Variants in SAMD12 observed in about 807,000 individuals in gnomAD.
SAMD12 encodes sterile alpha motif domain containing 12.
A neutral mutation model predicts 15.0 loss-of-function variants in SAMD12; 9 were observed. The ratio of observed to expected loss-of-function variants is 0.60; its 90% CI spans 0.36 to 1.05. The LOEUF is 1.05. Among genes scored for constraint, SAMD12 ranks in the 50% least tolerant of loss-of-function variants. SAMD12 has a pLI of 0.01. For synonymous variants in SAMD12, 86 were observed against 90.1 expected (o/e 0.96, Z 0.25); for missense variants, 230 against 234.2 (o/e 0.98, Z 0.12).
intron 2 of SAMD12, among the ~76,000 whole-genome samples, chr8:118,559,036 T>C (rs1826631283): frequency 6.6e-6 from 1 of 152,180 alleles, no homozygotes. Context: ...AAATGAGAGA[T>C]ATTTAATGAT....
chr8:118,228,220 G>C (rs1213020356), intron 4 of SAMD12, among the ~76,000 whole-genome samples: 2 of 152,124 alleles, frequency 1.3e-5, no homozygotes, highest in Admixed American at 1.3e-4. Flanking sequence ...ATATTGGCTT[G>C]GGCAAGGATT....
chr8:118,420,869 C>T (rs540459862), intron 3 of SAMD12, among the ~76,000 whole-genome samples: 6 of 152,254 alleles, frequency 3.9e-5, no homozygotes, highest in East Asian at 3.9e-4. Flanking sequence ...TGGCAAACTA[C>T]GACCCTCTGA....
At chr8:118,294,956 T>C (rs534894197) in intron 4 of SAMD12, among the ~76,000 whole-genome samples, 2 of 152,178 alleles carry the variant, frequency 1.3e-5, no homozygotes, top group African/African-American at 2.4e-5. Flanking sequence ...AAGCAGGAAC[T>C]GTATTATATA....
At chr8:118,435,835 T>G (rs748298352) in intron 3 of SAMD12, among the ~76,000 whole-genome samples, 2 of 152,178 alleles carry the variant, frequency 1.3e-5, no homozygotes, top group African/African-American at 2.4e-5. Flanking sequence ...AACTTATTAA[T>G]GAGGAAACTG....
chr8:118,473,082 T>G (rs959296498), intron 2 of SAMD12, among the ~76,000 whole-genome samples: 1 of 152,100 alleles, frequency 6.6e-6, no homozygotes, highest in Admixed American at 6.5e-5. Flanking sequence ...GGTGAGGCAG[T>G]GGGGAGAAGG....
At chr8:118,446,860 A>G (rs1278218567) in intron 2 of SAMD12, among the ~76,000 whole-genome samples, 10 of 152,160 alleles carry the variant, frequency 6.6e-5, no homozygotes, top group Admixed American at 4.6e-4. Flanking sequence ...GAGGAATCCA[A>G]AACTATACCT....
intron 2 of SAMD12, among the ~76,000 whole-genome samples, chr8:118,552,182 C>T (rs1223628348): frequency 3.9e-5 from 6 of 152,084 alleles, no homozygotes; most frequent in Non-Finnish European, 7.4e-5. Context: ...TTTTATGAGG[C>T]CAGCATCATC....
At chr8:118,257,219 G>A (rs981786353) in intron 4 of SAMD12, among the ~76,000 whole-genome samples, 2 of 152,084 alleles carry the variant, frequency 1.3e-5, no homozygotes, top group African/African-American at 2.4e-5. Flanking sequence ...GGAACTAAAT[G>A]CTAGAGAAGT....
In SAMD12 at chr8:118,312,457, A is replaced by G. The variant is rs1815678582; in HGVS notation, c.433+67103T>C. Among the ~76,000 whole-genome samples the G allele has an allele frequency of 2.0e-5, 3 of 152,300 alleles. No individual in the cohort carries two copies. In the South Asian group the frequency reaches 6.2e-4, roughly 32 times the overall value. On this transcript the variant is annotated intron_variant, in intron 4 of 4. Coordinates refer to the SAMD12 transcript ENST00000409003. ...GACCCAGATCATGTCCCATCTCATGAATATTTACAGGGCCACTTCCTCTTC... is the reference window on the plus strand; with the variant it reads ...GACCCAGATCATGTCCCATCTCATGGATATTTACAGGGCCACTTCCTCTTC...
At chr8:118,427,302 A>G (rs1329053134) in intron 3 of SAMD12, among the ~76,000 whole-genome samples, 1 of 152,242 alleles carries the variant, frequency 6.6e-6, no homozygotes, top group African/African-American at 2.4e-5. Flanking sequence ...TATGTAGTTT[A>G]AAAAATGGAA....
chr8:118,373,873 C>A (rs1054940660), downstream of SAMD12, among the ~76,000 whole-genome samples: 1 of 152,084 alleles, frequency 6.6e-6, no homozygotes, highest in African/African-American at 2.4e-5. Context: ...AATAGTTCCA[C>A]ACTACAGCAT....
intron 2 of SAMD12, among the ~76,000 whole-genome samples, chr8:118,468,487 C>T (rs555438875): frequency 1.3e-4 from 20 of 152,202 alleles, no homozygotes; most frequent in Middle Eastern, 3.4e-3. Flanking sequence ...GTGAGGCACA[C>T]GGTTCTTCAG....
At chr8:118,569,392 T>C (rs1034324547) in intron 2 of SAMD12, among the ~76,000 whole-genome samples, 1 of 152,206 alleles carries the variant, frequency 6.6e-6, no homozygotes. Context: ...GATGAGATAC[T>C]GAACTTGGAA....
chr8:118,459,235 C>A (rs188053258), intron 2 of SAMD12, among the ~76,000 whole-genome samples: 93 of 152,088 alleles, frequency 6.1e-4, no homozygotes, highest in Middle Eastern at 3.4e-3. Flanking sequence ...TTGGCTACTT[C>A]TTGTATTTTT....
chr8:118,589,792 G>A (rs1648999628), intron 1 of SAMD12, among the ~76,000 whole-genome samples: 2 of 152,156 alleles, frequency 1.3e-5, no homozygotes, highest in Non-Finnish European at 2.9e-5. Flanking sequence ...TATATGAATT[G>A]AACCACGTTT....
At chr8:118,210,673 C>G (rs188931094) in intron 4 of SAMD12, among the ~76,000 whole-genome samples, 4 of 152,352 alleles carry the variant, frequency 2.6e-5, no homozygotes, top group Admixed American at 2.6e-4. Context: ...TCCTTATCCA[C>G]AATGCATTCC....
chr8:118,474,974 C>T, intron 2 of SAMD12, among the ~76,000 whole-genome samples: 1 of 152,146 alleles, frequency 6.6e-6, no homozygotes. Flanking sequence ...CATGGTGTCT[C>T]ACACCTGTAA....
chr8:118,327,487 G>T (rs1046324533), intron 4 of SAMD12, among the ~76,000 whole-genome samples: 13 of 152,126 alleles, frequency 8.5e-5, no homozygotes, highest in Non-Finnish European at 1.6e-4. Context: ...CTCCACATGG[G>T]ATTGTTCTGG....
At chr8:118,252,456 C>A (rs1352052132) in intron 4 of SAMD12, among the ~76,000 whole-genome samples, 5 of 151,998 alleles carry the variant, frequency 3.3e-5, no homozygotes, top group Admixed American at 3.3e-4. Context: ...CCAGGAGGAG[C>A]ACCTTATCAT....
Sources: allele counts gnomAD v4.1 joint callset (sites outside exome capture counted in the v4.1 genomes callset), GRCh38; gene constraint gnomAD v4.1.1; transcripts MANE v1.5; gene names NCBI Gene and HGNC (gene_info 2026-07-23, HGNC 2026-07-21).